The following ATP11C variants were observed in gnomAD, a reference collection of about 807,000 sequenced individuals.
ATP11C encodes phospholipid-transporting ATPase IG.
ATP11C carries 36 observed loss-of-function variants against 97.4 expected under a neutral mutation model. The observed-to-expected ratio is 0.37, with a 90% CI of 0.28 to 0.49. The LOEUF is 0.49. Among genes scored for constraint, ATP11C ranks in the 20% least tolerant of loss-of-function variants. The pLI, the probability that ATP11C is intolerant of heterozygous loss-of-function variation, is 0.98. For missense variants in ATP11C, 730 were observed against 824.6 expected (o/e 0.89, Z 1.40); for synonymous variants, 275 against 290.9 (o/e 0.95, Z 0.56).
Position 139,832,350 on chromosome X carries a change from G to C in ATP11C, c.28-5527C>G, listed in dbSNP as rs1368352653. On this transcript the variant is annotated intron_variant, in intron 1 of 29. Transcript: ENST00000682941. The stretch of plus-strand genomic sequence containing the variant: ...TTGCCTAGTTCCTGTACTTCCATGG[G>C]AGGCAGCAAAGGAAGCATCAGATGA... The C allele has an allele frequency of 1.2e-5, 13 of 1,053,069 alleles. No individual in the cohort carries two copies. In the East Asian group the frequency reaches 4.1e-4, roughly 33 times the overall value. The allele number at this position is 1,053,069 out of a possible 1,213,427, so 86.8% of individuals were successfully genotyped here.
Position 139,782,597 on chromosome X carries a change from A to G in ATP11C, c.1902T>C (p.Asp634=). Residue 634 remains aspartate (D), a synonymous_variant, in exon 18 of 30, where the codon GAT becomes GAC. Transcript: ENST00000682941. ...DREEKMEKVF[D]DIETNMNLIG... ...TTAAATTCATGTTTGTCTCAATATC[A>G]TCGAAAACTTTTTCCATTTTTTCTT... 4 of 1,207,727 alleles carry G rather than the reference A, an allele frequency of 3.3e-6. No homozygotes were observed. The highest frequency in any genetic ancestry group is 4.5e-6 in the Non-Finnish European group (4 of 893,162).
chrX:139,824,880 A>G (rs1223181330), intron 2 of ATP11C, among the ~76,000 whole-genome samples: 1 of 111,979 alleles, frequency 8.9e-6, no homozygotes, highest in Non-Finnish European at 1.9e-5. Flanking sequence ...CACTTGCTAC[A>G]AAGTTGGAAG....
At chrX:139,833,907 A>G (rs949413040) in intron 1 of ATP11C, among the ~76,000 whole-genome samples, 1 of 111,862 alleles carries the variant, frequency 8.9e-6, no homozygotes, top group Non-Finnish European at 1.9e-5. Flanking sequence ...GGATTAACAG[A>G]AACACCCAGA....
intron 22 of ATP11C, among the ~76,000 whole-genome samples, chrX:139,759,127 T>C (rs892220109): frequency 9.0e-6 from 1 of 111,492 alleles, no homozygotes; most frequent in African/African-American, 3.3e-5. Context: ...AAAATAAGTG[T>C]TCTGAGGTTG....
At chrX:139,829,752 T>C (rs1231967985) in intron 1 of ATP11C, among the ~76,000 whole-genome samples, 1 of 111,816 alleles carries the variant, frequency 8.9e-6, no homozygotes, top group Non-Finnish European at 1.9e-5. Context: ...TTACAATATA[T>C]GAATTAACAG....
intron 21 of ATP11C, among the ~76,000 whole-genome samples, chrX:139,762,500 G>A (rs755225451): frequency 9.0e-6 from 1 of 111,365 alleles, no homozygotes; most frequent in Non-Finnish European, 1.9e-5. Context: ...GGAGTTCAAT[G>A]AGAAGACGGT....
At chrX:139,827,936 C>T (rs891769553) in intron 1 of ATP11C, among the ~76,000 whole-genome samples, 2 of 111,711 alleles carry the variant, frequency 1.8e-5, no homozygotes, top group African/African-American at 6.5e-5. Context: ...ATTATTTCTT[C>T]GTTTAAAAAT....
intron 6 of ATP11C, among the ~76,000 whole-genome samples, chrX:139,803,082 G>A (rs1028385572): frequency 9.0e-6 from 1 of 111,446 alleles, no homozygotes; most frequent in Non-Finnish European, 1.9e-5. Flanking sequence ...GAAATATTAC[G>A]GCAATGTCTG....
chrX:139,749,391 C>T (rs923436669), intron 24 of ATP11C, among the ~76,000 whole-genome samples: 3 of 112,002 alleles, frequency 2.7e-5, no homozygotes, highest in African/African-American at 6.5e-5. Flanking sequence ...TTACAATCTG[C>T]TATAAATTAA....
intron 1 of ATP11C, among the ~76,000 whole-genome samples, chrX:139,830,186 G>A (rs1370155054): frequency 9.0e-6 from 1 of 111,546 alleles, no homozygotes; most frequent in Non-Finnish European, 1.9e-5. Context: ...GTCACACAGT[G>A]GATTTAAACA....
chrX:139,903,311 G>A (rs138211164), intron 1 of ATP11C, among the ~76,000 whole-genome samples: 12 of 110,911 alleles, frequency 1.1e-4, no homozygotes, highest in Non-Finnish European at 2.1e-4. Flanking sequence ...GGACTCAGGG[G>A]GCAGGCCTCT....
intron 12 of ATP11C, among the ~76,000 whole-genome samples, chrX:139,790,652 T>C (rs947992546): frequency 9.0e-6 from 1 of 111,489 alleles, no homozygotes; most frequent in African/African-American, 3.3e-5. Context: ...TAAAATAAAA[T>C]GCACCACATC....
intron 1 of ATP11C, among the ~76,000 whole-genome samples, chrX:139,865,955 A>C (rs984090556): frequency 9.0e-6 from 1 of 111,490 alleles, no homozygotes; most frequent in Admixed American, 9.6e-5. Flanking sequence ...AAAACAAGTA[A>C]TACTTTTTCA....
At chrX:139,840,238 T>C (rs1205759173) in intron 1 of ATP11C, among the ~76,000 whole-genome samples, 1 of 112,605 alleles carries the variant, frequency 8.9e-6, no homozygotes, top group Non-Finnish European at 1.9e-5. Flanking sequence ...TTGCAGAAAC[T>C]GCTTTAAGAA....
At chrX:139,737,061 C>G (rs987768515) in intron 28 of ATP11C, among the ~76,000 whole-genome samples, 2 of 109,934 alleles carry the variant, frequency 1.8e-5, no homozygotes, top group Admixed American at 9.8e-5. Flanking sequence ...AGAATATTAC[C>G]TGAAAATACT....
chrX:139,741,615 C>G (rs1048519884), intron 26 of ATP11C, among the ~76,000 whole-genome samples: 3 of 111,682 alleles, frequency 2.7e-5, no homozygotes, highest in African/African-American at 9.8e-5. Context: ...CTCTATACAT[C>G]TAACATCATG....
intron 17 of ATP11C, 113 bp from the exon 18 acceptor site, chrX:139,782,841 A>G (rs1323476573): frequency 3.8e-6 from 2 of 520,982 alleles, no homozygotes; most frequent in Non-Finnish European, 5.9e-6. Context: ...ATTCTGACAC[A>G]TATTTAGTCT....
At chrX:139,749,946 G>A in intron 24 of ATP11C, 79 bp downstream of exon 24, 7 of 1,010,325 alleles carry the variant, frequency 6.9e-6, no homozygotes, top group Non-Finnish European at 8.2e-6. Context: ...GCACAGTTCT[G>A]TGTTCTTCCC....
intron 19 of ATP11C, among the ~76,000 whole-genome samples, chrX:139,773,843 G>A (rs2082300321): frequency 8.9e-6 from 1 of 112,230 alleles, no homozygotes; most frequent in Non-Finnish European, 1.9e-5. Context: ...TCTTAGCTGT[G>A]TGATCTCTAT....
Sources: allele counts gnomAD v4.1 joint callset (sites outside exome capture counted in the v4.1 genomes callset), GRCh38; gene constraint gnomAD v4.1.1; transcripts MANE v1.5; gene names NCBI Gene and HGNC (gene_info 2026-07-23, HGNC 2026-07-21).